PREP: variants seen among roughly 807,000 people sequenced by gnomAD.
PREP encodes the protein prolyl endopeptidase.
A neutral mutation model predicts 87.6 loss-of-function variants in PREP; 29 were observed. The observed-to-expected ratio is 0.33, with a 90% CI of 0.25 to 0.45. The LOEUF is 0.45. Ranked by LOEUF, PREP falls within the 20% of genes least tolerant of loss-of-function variation. PREP has a pLI of 1.00. For missense variants in PREP, 695 were observed against 886.5 expected (o/e 0.78, Z 2.74); for synonymous variants, 337 against 328.6 (o/e 1.03, Z -0.28).
chr6:105,389,884 A>G (rs934693433), intron 2 of PREP, among the ~76,000 whole-genome samples: 5 of 152,216 alleles, frequency 3.3e-5, no homozygotes, highest in African/African-American at 1.2e-4. Flanking sequence ...CCCAGAGACC[A>G]AAAACAAAAG....
rs563604030 is a variant in PREP, at chr6:105,274,298, G to A, written c.*3846C>T. Among the ~76,000 whole-genome samples the A allele has an allele frequency of 2.1e-5, 3 of 142,408 alleles. No homozygotes were observed. Among genetic ancestry groups the A allele is most frequent in the Non-Finnish European group, 2.9e-5 (2 of 67,896 alleles). 93.4% of individuals were successfully genotyped at this position (142,408 alleles called of 152,430 possible). On this transcript the variant is annotated 3_prime_UTR_variant, in exon 15 of 15. Transcript: ENST00000652536. ...CCTCACATGGTGGAAGGGATGGGGC[G>A]GGGGGGTCTCTCCTTGGGCTCTAAT...
In PREP at chr6:105,274,626, G is replaced by A. The variant is rs1769899210; in HGVS notation, c.*3518C>T. ...ACTAAAAATACAAAAAGATTAGCCG[G>A]GAATGATGGTATGCGCCTGTAATAC... is the stretch of plus-strand genomic sequence containing the variant. On this transcript the variant is annotated 3_prime_UTR_variant, in exon 15 of 15. Transcript: ENST00000652536. Among the ~76,000 whole-genome samples, 1 of 152,082 alleles carries A rather than the reference G, an allele frequency of 6.6e-6. No individual in the cohort carries two copies.
chr6:105,356,757 A>G (rs1772109491), intron 6 of PREP, among the ~76,000 whole-genome samples: 1 of 152,336 alleles, frequency 6.6e-6, no homozygotes, highest in Non-Finnish European at 1.5e-5. Flanking sequence ...TCTATTTTGC[A>G]TAGTTTCCTA....
At chr6:105,374,406 G>A (rs1450144021) in intron 4 of PREP, among the ~76,000 whole-genome samples, 3 of 151,838 alleles carry the variant, frequency 2.0e-5, no homozygotes, top group Admixed American at 1.3e-4. Flanking sequence ...AAACGTTATT[G>A]GGTAATGAAA....
intron 2 of PREP, among the ~76,000 whole-genome samples, chr6:105,389,919 CAA>C (rs1284066341): frequency 6.6e-6 from 1 of 152,094 alleles, no homozygotes; most frequent in Non-Finnish European, 1.5e-5. Context: ...AACAAACAAA[CAA>C]AAAGACTTCA....
chr6:105,330,152 T>G (rs550188635), intron 8 of PREP, among the ~76,000 whole-genome samples: 1 of 152,086 alleles, frequency 6.6e-6, no homozygotes, highest in Admixed American at 6.5e-5. Context: ...GTGAGCCAGG[T>G]AGAGAGCAGT....
intron 2 of PREP, among the ~76,000 whole-genome samples, chr6:105,386,567 T>C (rs757506965): frequency 1.3e-5 from 2 of 152,140 alleles, no homozygotes; most frequent in African/African-American, 2.4e-5. Context: ...ATTGGAACCA[T>C]TAACACTAAT....
At chr6:105,309,667 A>G (rs1011473453) in intron 10 of PREP, among the ~76,000 whole-genome samples, 1 of 152,164 alleles carries the variant, frequency 6.6e-6, no homozygotes, top group African/African-American at 2.4e-5. Flanking sequence ...GGTCTCACAG[A>G]AGGAGAGCAA....
At chr6:105,384,136 C>T (rs1772922425) in intron 2 of PREP, among the ~76,000 whole-genome samples, 2 of 152,090 alleles carry the variant, frequency 1.3e-5, no homozygotes, top group Admixed American at 6.5e-5. Context: ...AAGGGTGTGA[C>T]CGCTGCTGGC....
intron 10 of PREP, chr6:105,323,188 A>C: frequency 8.8e-7 from 1 of 1,136,194 alleles, no homozygotes. Context: ...CATGACAATT[A>C]ATTAATTTAT....
chr6:105,332,660 T>A (rs958968624), intron 8 of PREP, among the ~76,000 whole-genome samples: 2 of 152,178 alleles, frequency 1.3e-5, no homozygotes, highest in Non-Finnish European at 2.9e-5. Context: ...ATTAATGAGT[T>A]TTACTGTAGT....
chr6:105,402,870 C>T lies in PREP; in HGVS notation c.22G>A (p.Asp8Asn), dbSNP rs751765009. The change falls in exon 1 of 15, where the codon GAC (aspartate) becomes AAC (asparagine). Residue 8 changes from aspartate to asparagine, a missense_variant. Asp to Asn is a conservative substitution (Grantham distance 23). Coordinates refer to ENST00000652536, the MANE Select transcript of PREP (RefSeq NM_002726.5). MLSLQYP[D>N]VYRDETAVQD... ...ACGGCGGTCTCGTCGCGGTACACGT[C>T]GGGGTACTGAAGGGACAGCATGGCC... The T allele has an allele frequency of 2.6e-6, 4 of 1,543,352 alleles. No homozygotes were observed. In the South Asian group the frequency reaches 3.6e-5, roughly 14 times the overall value.
At chr6:105,378,966 A>T (rs979781037) in intron 2 of PREP, among the ~76,000 whole-genome samples, 26 of 152,242 alleles carry the variant, frequency 1.7e-4, no homozygotes, top group African/African-American at 6.3e-4. Flanking sequence ...CTGCAGAACC[A>T]TGATTTTGTG....
rs748551684 is a variant in PREP, at chr6:105,282,444, T to C, written c.1681+7A>G. 6.2e-7 allele frequency: 1 copy of C among 1,612,802 alleles called. No individual in the cohort carries two copies. The highest frequency in any genetic ancestry group is 2.2e-5 in the East Asian group (1 of 44,854). On this transcript the variant is annotated splice_region_variant and intron_variant, in intron 13 of 14. Coordinates refer to ENST00000652536, the MANE Select transcript of PREP (RefSeq NM_002726.5). ...AGTAAGTGCAATGAATAAAATCCAGTACTCACCCACTAAGAGGCCTCCATT... is the reference window on the plus strand; with the variant it reads ...AGTAAGTGCAATGAATAAAATCCAGCACTCACCCACTAAGAGGCCTCCATT...
At position 105,278,559 on chromosome 6, in the gene PREP, G is replaced by T; in HGVS notation, c.1839-121C>A. 1 of 1,037,368 alleles carries T rather than the reference G, an allele frequency of 9.6e-7. No homozygotes were observed. The highest frequency in any genetic ancestry group is 1.4e-6 in the Non-Finnish European group (1 of 720,052). 64.3% of individuals were successfully genotyped at this position (1,037,368 alleles called of 1,614,324 possible). On this transcript the variant is annotated intron_variant, in intron 14 of 14. Transcript: ENST00000652536. This position sits in a 1 kb window ranked among gnomAD's most constrained non-coding sequence, Gnocchi z 4.2. ...TAACTAGTACGTGAGTGACCACCAT[G>T]GACTGTGCCTATGCGTTACCATTTA...
intron 10 of PREP, among the ~76,000 whole-genome samples, chr6:105,297,467 T>C (rs1334644932): frequency 1.3e-5 from 2 of 152,248 alleles, no homozygotes; most frequent in African/African-American, 4.8e-5. Context: ...TACTTGGTAG[T>C]TTATTGCTAC....
At chr6:105,365,667 C>G (rs1772365721) in intron 6 of PREP, among the ~76,000 whole-genome samples, 1 of 152,132 alleles carries the variant, frequency 6.6e-6, no homozygotes, top group Admixed American at 6.5e-5. Flanking sequence ...GCCAGCCAGA[C>G]CTGCCTGACC....
At chr6:105,390,743 G>C (rs1773121164) in intron 2 of PREP, among the ~76,000 whole-genome samples, 1 of 152,154 alleles carries the variant, frequency 6.6e-6, no homozygotes, top group Non-Finnish European at 1.5e-5. Flanking sequence ...GCAAAACCAA[G>C]CCAGAAAAGT....
chr6:105,356,263 A>G (rs554594300), intron 6 of PREP, among the ~76,000 whole-genome samples: 1 of 152,314 alleles, frequency 6.6e-6, no homozygotes, highest in East Asian at 1.9e-4. Context: ...GGTAAGGTAT[A>G]CAGCCCCACT....
Sources: gnomAD v4.1 joint callset for allele counts (sites outside exome capture counted in the v4.1 genomes callset) on GRCh38, gnomAD v4.1.1 for gene constraint, Gnocchi (gnomAD v3.1) non-coding constraint, MANE v1.5 for transcripts, NCBI Gene and HGNC (gene_info 2026-07-23, HGNC 2026-07-21) for gene names.